The following SPSB1 variants were observed in gnomAD, a reference collection of about 807,000 sequenced individuals.
SPSB1 encodes splA/ryanodine receptor domain and SOCS box containing 1.
In SPSB1, 8 loss-of-function variants were observed where a neutral mutation model predicts 21.2. The ratio of observed to expected loss-of-function variants is 0.38; its 90% CI spans 0.22 to 0.68. The LOEUF is 0.68. Ranked by LOEUF, SPSB1 falls within the 30% of genes least tolerant of loss-of-function variation. The probability of loss-of-function intolerance (pLI) is 0.53; values close to 1 mark genes in which losing one functional copy is unlikely to be tolerated. For missense variants in SPSB1, 242 were observed against 377.8 expected (o/e 0.64, Z 2.98); for synonymous variants, 169 against 161.7 (o/e 1.05, Z -0.34).
intron 1 of SPSB1, among the ~76,000 whole-genome samples, chr1:9,336,598 T>A (rs1011310121): frequency 6.6e-6 from 1 of 152,128 alleles, no homozygotes; most frequent in African/African-American, 2.4e-5. Context: ...TCTGCCCGCG[T>A]GCGTTCAAGG....
chr1:9,336,518 G>T (rs984198626), intron 1 of SPSB1, among the ~76,000 whole-genome samples: 1 of 152,114 alleles, frequency 6.6e-6, no homozygotes, highest in South Asian at 2.1e-4. Flanking sequence ...GAGCCACCAC[G>T]TCCGGCTCCT....
chr1:9,293,002 CG>C lies in SPSB1; in HGVS notation c.-216del. On this transcript the variant is annotated 5_prime_UTR_variant, in exon 1 of 3. Coordinates refer to ENST00000328089, the MANE Select transcript of SPSB1 (RefSeq NM_025106.4). This position sits in a 1 kb window ranked among gnomAD's most constrained non-coding sequence, Gnocchi z 5.1. The stretch of plus-strand genomic sequence containing the variant: ...GAGGAGGCGACTTCGCTCCCTGCGG[CG>C]GGCGCGGCCCGGGCGCCCGAGCCTC... 1 of 981,486 alleles carries C rather than the reference CG, an allele frequency of 1.0e-6. No homozygotes were observed. Among genetic ancestry groups the C allele is most frequent in the Non-Finnish European group, 1.2e-6 (1 of 827,384 alleles). The allele number at this position is 981,486 out of a possible 1,614,324, so 60.8% of individuals were successfully genotyped here. A position where few individuals can be genotyped will look rare whatever the true frequency, so the allele number is the denominator to read the frequency against.
chr1:9,299,695 T>A (rs1639294112), intron 1 of SPSB1, among the ~76,000 whole-genome samples: 1 of 152,144 alleles, frequency 6.6e-6, no homozygotes, highest in South Asian at 2.1e-4. Flanking sequence ...GTCAGGCTGG[T>A]CTTGAACTCC....
Position 9,324,380 on chromosome 1 carries a change from A to G in SPSB1, c.-150+31309A>G, listed in dbSNP as rs949912049. On this transcript the variant is annotated intron_variant, in intron 1 of 2. Transcript: ENST00000328089. The surrounding 1 kb of genome is among the most constrained non-coding windows in gnomAD (Gnocchi z 4.3). ...GAGTTCTGCTGCGATCCTGTGGCTC[A>G]GCACGTGGTAGGTCCTCAGTGAGGC... Among the ~76,000 whole-genome samples, 3 of 152,144 alleles carry G rather than the reference A, an allele frequency of 2.0e-5. No homozygotes were observed. Among genetic ancestry groups the G allele is most frequent in the African/African-American group, 7.2e-5 (3 of 41,420 alleles).
chr1:9,308,758 G>A lies in SPSB1; in HGVS notation c.-150+15687G>A, dbSNP rs149321176. Among the ~76,000 whole-genome samples the A allele has an allele frequency of 3.7e-3, 557 of 152,254 alleles. 1 individual carries two copies. Among genetic ancestry groups the A allele is most frequent in the Middle Eastern group, 0.01 (3 of 294 alleles). ...CTTTTTTTTTAGAGAGGTTTTCTGCGTTGCAGGAAGTGGCATGACTCCCTG... is the reference window on the plus strand; with the variant it reads ...CTTTTTTTTTAGAGAGGTTTTCTGCATTGCAGGAAGTGGCATGACTCCCTG... On this transcript the variant is annotated intron_variant, in intron 1 of 2. Transcript: ENST00000328089.
chr1:9,306,143 A>C (rs1202860518), intron 1 of SPSB1, among the ~76,000 whole-genome samples: 1 of 152,066 alleles, frequency 6.6e-6, no homozygotes, highest in Non-Finnish European at 1.5e-5. Context: ...GGCGAGCCTC[A>C]CCCTTGACCC....
chr1:9,318,510 A>G (rs1362267262), intron 1 of SPSB1, among the ~76,000 whole-genome samples: 4 of 152,184 alleles, frequency 2.6e-5, no homozygotes, highest in African/African-American at 2.4e-5. Context: ...CCAGCATCCA[A>G]GGAAGACCCT....
intron 2 of SPSB1, among the ~76,000 whole-genome samples, chr1:9,361,727 A>C (rs1640483709): frequency 6.6e-6 from 1 of 152,246 alleles, no homozygotes; most frequent in South Asian, 2.1e-4. Context: ...GGATGCAGCC[A>C]GAGAGGCTGC....
At chr1:9,350,138 C>A (rs1236576749) in intron 1 of SPSB1, among the ~76,000 whole-genome samples, 1 of 152,168 alleles carries the variant, frequency 6.6e-6, no homozygotes, top group Non-Finnish European at 1.5e-5. Context: ...CGCACAGGTA[C>A]ACACACACAT....
rs771745720 is a variant in SPSB1, at chr1:9,356,279, A to G, written c.388A>G (p.Thr130Ala). 1.2e-6 allele frequency: 2 copies of G among 1,613,412 alleles called. No homozygotes were observed. Among genetic ancestry groups the G allele is most frequent in the South Asian group, 2.2e-5 (2 of 91,074 alleles). Reference sequence around the variant, plus strand: ...CGCCCCCCTGCACTCTGTCGGGTACACAACCCTCGTGGGGAATAACCACGA... The same window carrying G: ...CGCCCCCCTGCACTCTGTCGGGTACGCAACCCTCGTGGGGAATAACCACGA... ...ADAPLHSVGY[T>A]TLVGNNHESW... is the part of the protein sequence containing the mutation. The change falls in exon 2 of 3, where the codon ACA becomes GCA. Residue 130 changes from threonine to alanine, a missense_variant. Transcript: ENST00000328089. This position sits in a 1 kb window ranked among gnomAD's most constrained non-coding sequence, Gnocchi z 7.4.
intron 1 of SPSB1, among the ~76,000 whole-genome samples, chr1:9,294,103 T>A (rs201430237): frequency 6.7e-6 from 1 of 149,960 alleles, no homozygotes; most frequent in African/African-American, 2.5e-5. Context: ...TGTGTGTCTT[T>A]GTGTGTGTCT....
intron 1 of SPSB1, among the ~76,000 whole-genome samples, chr1:9,347,721 T>G (rs1640186194): frequency 6.6e-6 from 1 of 151,888 alleles, no homozygotes; most frequent in African/African-American, 2.4e-5. Context: ...CCCCAGCATC[T>G]TCATCCTCAT....
chr1:9,325,729 G>C (rs1047451345), intron 1 of SPSB1, among the ~76,000 whole-genome samples: 1 of 152,200 alleles, frequency 6.6e-6, no homozygotes, highest in African/African-American at 2.4e-5. Context: ...GTTCCATGGG[G>C]AAGCTCAGAG....
Position 9,367,775 on chromosome 1 carries a change from A to C in SPSB1, c.*200A>C. The C allele has an allele frequency of 1.3e-6, 1 of 773,406 alleles. No homozygotes were observed. The highest frequency in any genetic ancestry group is 2.0e-6 in the Non-Finnish European group (1 of 498,038). 47.9% of individuals were successfully genotyped at this position (773,406 alleles called of 1,614,324 possible). ...ACAGGCTCCTCTTTCCCCCTTCCCG[A>C]CATCAGCAGAAGGCAGCATCCCTGC... On this transcript the variant is annotated 3_prime_UTR_variant, in exon 3 of 3. Transcript: ENST00000328089. This position sits in a 1 kb window ranked among gnomAD's most constrained non-coding sequence, Gnocchi z 5.9.
chr1:9,342,218 G>A (rs536861443), intron 1 of SPSB1, among the ~76,000 whole-genome samples: 52 of 152,308 alleles, frequency 3.4e-4, no homozygotes, highest in Non-Finnish European at 5.0e-4. Context: ...GAGAGGATCC[G>A]TGGGCAGTGG....
At position 9,368,590 on chromosome 1, in the gene SPSB1, A is replaced by C. The variant is rs1386854618; in HGVS notation, c.*1015A>C. ...CTGTGGGTCTTTTGATGTGGGTTTGATTTTGCTTTTGCTTTTCTAGCTGAG... is the reference window on the plus strand; with the variant it reads ...CTGTGGGTCTTTTGATGTGGGTTTGCTTTTGCTTTTGCTTTTCTAGCTGAG... On this transcript the variant is annotated 3_prime_UTR_variant, in exon 3 of 3. Coordinates refer to ENST00000328089, the MANE Select transcript of SPSB1 (RefSeq NM_025106.4). The C allele has an allele frequency of 1.3e-5, 2 of 151,636 alleles. No individual in the cohort carries two copies. Among genetic ancestry groups the C allele is most frequent in the South Asian group, 2.1e-4 (1 of 4,778 alleles). The allele number at this position is 151,636 out of a possible 1,614,324, so 9.4% of individuals were successfully genotyped here.
chr1:9,294,225 CGTGT>C (rs755409794), intron 1 of SPSB1, among the ~76,000 whole-genome samples: 4 of 147,584 alleles, frequency 2.7e-5, no homozygotes, highest in South Asian at 2.2e-4. Flanking sequence ...TGTGTCTTTG[CGTGT>C]GTGTGTCTTT....
chr1:9,326,763 GCTGCTT>G (rs1639822510), intron 1 of SPSB1, among the ~76,000 whole-genome samples: 1 of 152,200 alleles, frequency 6.6e-6, no homozygotes, highest in Non-Finnish European at 1.5e-5. Flanking sequence ...TGGTAAGCCC[GCTGCTT>G]CTGAGGGGCC....
rs1273860765 is a variant in SPSB1, at chr1:9,356,686, T to G, written c.694+101T>G. 1.1e-5 allele frequency: 17 copies of G among 1,481,526 alleles called. No individual in the cohort carries two copies. In the East Asian group the frequency reaches 3.9e-4, roughly 34 times the overall value. The allele number at this position is 1,481,526 out of a possible 1,614,324, so 91.8% of individuals were successfully genotyped here. On this transcript the variant is annotated intron_variant, in intron 2 of 2. Transcript: ENST00000328089. This position sits in a 1 kb window ranked among gnomAD's most constrained non-coding sequence, Gnocchi z 7.4. The stretch of plus-strand genomic sequence containing the variant: ...TTGATTCATTGGAACTAGAGTGTTT[T>G]GAAGACGATATTCCAGTGTATTCAG...
Sources: allele counts gnomAD v4.1 joint callset (sites outside exome capture counted in the v4.1 genomes callset), GRCh38; gene constraint gnomAD v4.1.1; non-coding constraint Gnocchi (gnomAD v3.1); transcripts MANE v1.5; gene names NCBI Gene and HGNC (gene_info 2026-07-23, HGNC 2026-07-21).